The following NCKAP5 variants were observed in gnomAD, a reference collection of about 807,000 sequenced individuals.
NCKAP5 encodes the protein nck-associated protein 5.
In NCKAP5, 92 loss-of-function variants were observed where a neutral mutation model predicts 167.0. The ratio of observed to expected loss-of-function variants is 0.55; its 90% CI spans 0.47 to 0.66. NCKAP5 has a LOEUF of 0.66. Among genes scored for constraint, NCKAP5 ranks in the 30% least tolerant of loss-of-function variants. The pLI is 0.00. For synonymous variants in NCKAP5, 891 were observed against 877.4 expected (o/e 1.02, Z -0.27); for missense variants, 2,378 against 2,315.0 (o/e 1.03, Z -0.56).
At chr2:133,212,650 G>A (rs1446278992) in intron 5 of NCKAP5, among the ~76,000 whole-genome samples, 1 of 152,136 alleles carries the variant, frequency 6.6e-6, no homozygotes, top group Non-Finnish European at 1.5e-5. Context: ...TAACAGGCGT[G>A]AGCCACCACA....
chr2:133,055,866 G>A (rs2079780545), intron 6 of NCKAP5, among the ~76,000 whole-genome samples: 1 of 152,104 alleles, frequency 6.6e-6, no homozygotes, highest in African/African-American at 2.4e-5. Flanking sequence ...ATCTGGCCAG[G>A]CTGCTCCTGA....
At chr2:133,575,930 C>G in the NCKAP5 span, among the ~76,000 whole-genome samples, 1 of 152,238 alleles carries the variant, frequency 6.6e-6, no homozygotes, top group East Asian at 1.9e-4. Flanking sequence ...CACTCTCACT[C>G]CAAGCCAGAC....
chr2:132,841,458 A>G lies in NCKAP5; in HGVS notation c.807+19034T>C, dbSNP rs72991363. Reference sequence around the variant, plus strand: ...TTATTTCTAAGAATGTAGCTATGAAATGTGTAAAGGAATACAGTTTTCATT... The same window carrying G: ...TTATTTCTAAGAATGTAGCTATGAAGTGTGTAAAGGAATACAGTTTTCATT... On this transcript the variant is annotated intron_variant, in intron 11 of 19. Transcript: ENST00000409261. Among the ~76,000 whole-genome samples, 1,437 of 152,256 alleles carry G rather than the reference A, an allele frequency of 9.4e-3. 16 individuals are homozygous for G. The highest frequency in any genetic ancestry group is 0.033 in the African/African-American group (1,382 of 41,568).
In NCKAP5 at chr2:133,116,322, C is replaced by T. The variant is rs887848205; in HGVS notation, c.341+13656G>A. ...CTAACACGGTGAAACCCCGTCTCTA[C>T]TAAAAATACAAAAAAATTAGCCGGG... On this transcript the variant is annotated intron_variant, in intron 6 of 19. Coordinates refer to ENST00000409261, the MANE Select transcript of NCKAP5 (RefSeq NM_207363.3). 3.5e-5 allele frequency among the ~76,000 whole-genome samples: 4 copies of T among 113,126 alleles called. 1 individual carries two copies. Among genetic ancestry groups the T allele is most frequent in the African/African-American group, 1.6e-4 (4 of 24,950 alleles). 74.2% of individuals were successfully genotyped at this position (113,126 alleles called of 152,430 possible). A position where few individuals can be genotyped will look rare whatever the true frequency, so the allele number is the denominator to read the frequency against.
chr2:132,731,028 G>A (rs1274330933), intron 17 of NCKAP5, among the ~76,000 whole-genome samples: 3 of 152,136 alleles, frequency 2.0e-5, no homozygotes, highest in African/African-American at 7.2e-5. Flanking sequence ...GAAAGTGTTC[G>A]ATTTAAAGTT....
chr2:132,796,546 T>C, intron 12 of NCKAP5, 82 bp downstream of exon 12: 2 of 914,752 alleles, frequency 2.2e-6, no homozygotes, highest in South Asian at 3.2e-5. Context: ...GGATGCACTT[T>C]ATGGTTCGCT....
chr2:132,950,557 C>G (rs2076152811), intron 8 of NCKAP5, among the ~76,000 whole-genome samples: 1 of 152,106 alleles, frequency 6.6e-6, no homozygotes, highest in Admixed American at 6.6e-5. Flanking sequence ...TCAGGAAATA[C>G]CCCGACACCA....
intron 3 of NCKAP5, among the ~76,000 whole-genome samples, chr2:133,306,185 T>A (rs1172378715): frequency 3.9e-5 from 6 of 152,238 alleles, no homozygotes; most frequent in Non-Finnish European, 8.8e-5. Context: ...GAAACTATGG[T>A]CACCATAAGT....
At chr2:133,191,142 C>A (rs2085200135) in intron 5 of NCKAP5, among the ~76,000 whole-genome samples, 1 of 152,144 alleles carries the variant, frequency 6.6e-6, no homozygotes. Flanking sequence ...CAAAAGAAGA[C>A]ATTTATGCAG....
chr2:133,100,495 C>T (rs188823058), intron 6 of NCKAP5, among the ~76,000 whole-genome samples: 8 of 152,256 alleles, frequency 5.3e-5, no homozygotes, highest in South Asian at 2.1e-4. Flanking sequence ...GACTGAGCCC[C>T]GGACTCCAGA....
chr2:132,901,493 A>C (rs868150297), intron 8 of NCKAP5, among the ~76,000 whole-genome samples: 2 of 152,218 alleles, frequency 1.3e-5, no homozygotes, highest in Non-Finnish European at 2.9e-5. Context: ...ACTTTATAGA[A>C]GCTGGTCCCA....
At chr2:132,765,384 G>C (rs1020392426) in intron 16 of NCKAP5, among the ~76,000 whole-genome samples, 3 of 144,950 alleles carry the variant, frequency 2.1e-5, no homozygotes, top group Non-Finnish European at 4.5e-5. Context: ...GCATGATCTC[G>C]GCTTACTGCA....
At chr2:133,530,887 C>T (rs1164317085) in intron 2 of NCKAP5, among the ~76,000 whole-genome samples, 1 of 152,130 alleles carries the variant, frequency 6.6e-6, no homozygotes, top group East Asian at 1.9e-4. Flanking sequence ...CTGCCAGATA[C>T]CTGGTCAAGG....
intron 12 of NCKAP5, among the ~76,000 whole-genome samples, chr2:132,791,016 T>G (rs1248210028): frequency 6.6e-6 from 1 of 152,182 alleles, no homozygotes; most frequent in Non-Finnish European, 1.5e-5. Context: ...GCATGTAAAC[T>G]GGCTGTGAGT....
intron 19 of NCKAP5, among the ~76,000 whole-genome samples, chr2:132,725,278 A>G (rs1233035532): frequency 6.6e-6 from 1 of 152,230 alleles, no homozygotes; most frequent in African/African-American, 2.4e-5. Context: ...GGAAAACTCC[A>G]TCCACAGCTC....
chr2:133,506,010 G>A (rs1682972449), intron 3 of NCKAP5, among the ~76,000 whole-genome samples: 1 of 152,126 alleles, frequency 6.6e-6, no homozygotes, highest in South Asian at 2.1e-4. Flanking sequence ...GATATTCAGA[G>A]AGTTTAAGAA....
At chr2:132,830,023 T>C (rs1687407009) in intron 11 of NCKAP5, among the ~76,000 whole-genome samples, 1 of 152,152 alleles carries the variant, frequency 6.6e-6, no homozygotes, top group South Asian at 2.1e-4. Context: ...CCTGCCACAG[T>C]CTGAAACACA....
the NCKAP5 span, among the ~76,000 whole-genome samples, chr2:133,625,045 A>T: frequency 6.6e-6 from 1 of 152,242 alleles, no homozygotes. Flanking sequence ...AACCTAAGAT[A>T]ACACAACTAA....
intron 8 of NCKAP5, among the ~76,000 whole-genome samples, chr2:132,962,008 C>G (rs1334180648): frequency 6.6e-6 from 1 of 152,094 alleles, no homozygotes; most frequent in African/African-American, 2.4e-5. Flanking sequence ...AATGAGAACC[C>G]TTGGGGAGAC....
Sources: gnomAD v4.1 joint callset for allele counts (sites outside exome capture counted in the v4.1 genomes callset) on GRCh38, gnomAD v4.1.1 for gene constraint, MANE v1.5 for transcripts, NCBI Gene and HGNC (gene_info 2026-07-23, HGNC 2026-07-21) for gene names.